Variants in ERP44 observed in about 807,000 individuals in gnomAD.
ERP44 encodes endoplasmic reticulum resident protein 44.
In ERP44, 25 loss-of-function variants were observed where a neutral mutation model predicts 53.4. The observed-to-expected ratio is 0.47, with a 90% CI of 0.34 to 0.65. ERP44 has a LOEUF of 0.65. Among genes scored for constraint, ERP44 ranks in the 30% least tolerant of loss-of-function variants. The pLI is 0.01. For synonymous variants in ERP44, 145 were observed against 161.2 expected, an observed-to-expected ratio of 0.90 and a Z score of 0.76; for missense variants, 338 against 493.2, an observed-to-expected ratio of 0.69 and a Z score of 2.98.
chr9:100,018,389 T>C, intron 6 of ERP44, 76 bp from the exon 7 acceptor site: 1 of 842,412 alleles, frequency 1.2e-6, no homozygotes, highest in South Asian at 1.3e-5. Flanking sequence ...TTGAAATATA[T>C]ACTTATCCAT....
chr9:100,004,115 G>T (rs1830404880), intron 10 of ERP44, among the ~76,000 whole-genome samples: 1 of 152,182 alleles, frequency 6.6e-6, no homozygotes, highest in African/African-American at 2.4e-5. Context: ...TAGAGCCTGG[G>T]TCCACTTGTG....
At chr9:100,093,645 G>T (rs985667589) in intron 1 of ERP44, among the ~76,000 whole-genome samples, 2 of 151,684 alleles carry the variant, frequency 1.3e-5, no homozygotes, top group Non-Finnish European at 1.5e-5. Flanking sequence ...CCTGTCTGTG[G>T]GGGGGGAAAA....
At chr9:100,026,182 T>G (rs1279398317) in intron 4 of ERP44, among the ~76,000 whole-genome samples, 2 of 152,208 alleles carry the variant, frequency 1.3e-5, no homozygotes, top group African/African-American at 4.8e-5. Context: ...GGACATCTGC[T>G]GAGTGCTGGG....
At chr9:100,013,476 A>AAC (rs1830497067) in intron 8 of ERP44, among the ~76,000 whole-genome samples, 1 of 152,026 alleles carries the variant, frequency 6.6e-6, no homozygotes, top group South Asian at 2.1e-4. Context: ...GGAAACCCAG[A>AAC]ACATTAAGCA....
In ERP44 at chr9:100,021,929, G is replaced by A. The variant is rs184094731; in HGVS notation, c.471+113C>T. ...AATTCAACTCATTAAGTATACGTAT[G>A]TCAAATCCACTGCAATAGACTATAG... On this transcript the variant is annotated intron_variant, in intron 5 of 11. Transcript: ENST00000262455. 1.1e-4 allele frequency: 99 copies of A among 930,488 alleles called. No individual in the cohort carries two copies. In the African/African-American group the frequency reaches 1.3e-3, roughly 12 times the overall value. 57.6% of individuals were successfully genotyped at this position (930,488 alleles called of 1,614,324 possible). A position where few individuals can be genotyped will look rare whatever the true frequency, so the allele number is the denominator to read the frequency against.
chr9:100,006,562 T>A lies in ERP44; in HGVS notation c.960A>T (p.Val320=). The stretch of plus-strand genomic sequence containing the variant: ...TATGCCTAAAGCTGTCAATAGCGAT[T>A]ACAGGACAATCTGCTGGAGTTTTCT... ...HIQKTPADCP[V]IAIDSFRHMY... The change falls in exon 10 of 12, where the codon GTA becomes GTT. Residue 320 remains valine, a synonymous_variant. Transcript: ENST00000262455. 1 of 1,611,266 alleles carries A rather than the reference T, an allele frequency of 6.2e-7. No homozygotes were observed. Among genetic ancestry groups the A allele is most frequent in the Non-Finnish European group, 8.5e-7 (1 of 1,178,104 alleles).
chr9:100,068,478 G>A (rs1351185286), intron 1 of ERP44, among the ~76,000 whole-genome samples: 1 of 136,430 alleles, frequency 7.3e-6, no homozygotes, highest in Non-Finnish European at 1.6e-5. Context: ...GGGAAGTGAG[G>A]AGCCCCTCTG....
intron 10 of ERP44, among the ~76,000 whole-genome samples, chr9:99,988,515 C>G (rs1443214728): frequency 2.0e-5 from 3 of 152,194 alleles, no homozygotes; most frequent in Admixed American, 1.3e-4. Context: ...TCTTTCTCCA[C>G]TGAATTGCCT....
chr9:99,992,539 G>A (rs997277902), intron 10 of ERP44, among the ~76,000 whole-genome samples: 2 of 152,132 alleles, frequency 1.3e-5, no homozygotes, highest in Admixed American at 6.5e-5. Flanking sequence ...AGCTATTTAT[G>A]ACAAACCCAC....
chr9:100,001,212 G>A (rs1830373061), intron 10 of ERP44, among the ~76,000 whole-genome samples: 1 of 152,092 alleles, frequency 6.6e-6, no homozygotes, highest in Non-Finnish European at 1.5e-5. Context: ...AAAGATATTT[G>A]ATACAATTTT....
At chr9:100,039,379 G>A (rs959229297) in intron 4 of ERP44, among the ~76,000 whole-genome samples, 3 of 152,088 alleles carry the variant, frequency 2.0e-5, no homozygotes, top group Non-Finnish European at 4.4e-5. Flanking sequence ...TGGATAACAA[G>A]AGAAATCTTA....
chr9:100,057,054 TG>T (rs1475356089), intron 3 of ERP44, among the ~76,000 whole-genome samples: 1 of 152,190 alleles, frequency 6.6e-6, no homozygotes, highest in African/African-American at 2.4e-5. Flanking sequence ...ATGAGGAGAC[TG>T]TAGCATGAAT....
In ERP44 at chr9:99,980,853, G is replaced by A. The variant is rs1036926006; in HGVS notation, c.*1759C>T. On this transcript the variant is annotated 3_prime_UTR_variant, in exon 12 of 12. Coordinates refer to ENST00000262455, the MANE Select transcript of ERP44 (RefSeq NM_015051.3). ...TATCATCTTAGAGCATACTGAACAC[G>A]TACTCCTTGAGGCCTTTTTCATAAT... 2 of 152,146 alleles carry A rather than the reference G, an allele frequency of 1.3e-5. No individual in the cohort carries two copies. The highest frequency in any genetic ancestry group is 2.4e-5 in the African/African-American group (1 of 41,420). The allele number at this position is 152,146 out of a possible 1,614,324, so 9.4% of individuals were successfully genotyped here.
intron 8 of ERP44, among the ~76,000 whole-genome samples, chr9:100,012,321 T>TTGCA (rs1830483793): frequency 6.6e-6 from 1 of 152,198 alleles, no homozygotes; most frequent in Admixed American, 6.5e-5. Flanking sequence ...ATATTTAAGC[T>TTGCA]TGCAGGCTTA....
chr9:100,068,211 G>A (rs1052144115), intron 1 of ERP44, among the ~76,000 whole-genome samples: 1 of 146,464 alleles, frequency 6.8e-6, no homozygotes, highest in Non-Finnish European at 1.5e-5. Context: ...AGGTAGGGGG[G>A]TCAGCCCTGC....
chr9:100,028,429 GAAGAT>G (rs1467561900), intron 4 of ERP44, among the ~76,000 whole-genome samples: 8 of 152,220 alleles, frequency 5.3e-5, no homozygotes, highest in Non-Finnish European at 1.2e-4. Context: ...TAAGACTGCA[GAAGAT>G]AAGATGTGAA....
intron 1 of ERP44, among the ~76,000 whole-genome samples, chr9:100,076,889 A>G (rs968457662): frequency 1.3e-5 from 2 of 152,182 alleles, no homozygotes; most frequent in Non-Finnish European, 1.5e-5. Context: ...CCCCATGAAC[A>G]AAGTGGCCAT....
intron 1 of ERP44, among the ~76,000 whole-genome samples, chr9:100,093,831 A>T (rs947876183): frequency 6.6e-6 from 1 of 152,204 alleles, no homozygotes; most frequent in Non-Finnish European, 1.5e-5. Context: ...ATACATTGAG[A>T]TACCATTTCT....
At chr9:100,041,409 C>G (rs999763632) in intron 4 of ERP44, among the ~76,000 whole-genome samples, 1 of 152,122 alleles carries the variant, frequency 6.6e-6, no homozygotes, top group African/African-American at 2.4e-5. Flanking sequence ...GTGGCTCACG[C>G]CTGTAATCTC....
Sources: gnomAD v4.1 joint callset for allele counts (sites outside exome capture counted in the v4.1 genomes callset) on GRCh38, gnomAD v4.1.1 for gene constraint, MANE v1.5 for transcripts, NCBI Gene and HGNC (gene_info 2026-07-23, HGNC 2026-07-21) for gene names.